PLCG2: variants seen among roughly 807,000 people sequenced by gnomAD.
PLCG2 encodes phospholipase C gamma 2, also known as 1-phosphatidylinositol 4,5-bisphosphate phosphodiesterase gamma-2.
PLCG2 carries 69 observed loss-of-function variants against 175.6 expected under a neutral mutation model. That is an observed-to-expected ratio of 0.39 (90% CI 0.32 to 0.48). The LOEUF (loss-of-function observed/expected upper bound fraction) is 0.48. Ranked by LOEUF, PLCG2 falls within the 20% of genes least tolerant of loss-of-function variation. PLCG2 has a pLI of 0.91. For synonymous variants in PLCG2, 827 were observed against 624.0 expected (o/e 1.33, Z -4.85); for missense variants, 1,798 against 1,650.9 (o/e 1.09, Z -1.54).
At chr16:81,868,690 C>T (rs542952782) in intron 5 of PLCG2, among the ~76,000 whole-genome samples, 1 of 152,242 alleles carries the variant, frequency 6.6e-6, no homozygotes, top group African/African-American at 2.4e-5. Context: ...CACATCATGT[C>T]AACACCTATA....
chr16:81,829,269 C>T (rs544693836), intron 2 of PLCG2, among the ~76,000 whole-genome samples: 2 of 152,158 alleles, frequency 1.3e-5, no homozygotes, highest in African/African-American at 2.4e-5. Flanking sequence ...CCAACGTGCC[C>T]GGCTAATTTT....
chr16:81,957,515 C>T (rs185424637), intron 32 of PLCG2, among the ~76,000 whole-genome samples: 1 of 152,210 alleles, frequency 6.6e-6, no homozygotes, highest in Admixed American at 6.5e-5. Context: ...TGGGCTAGTC[C>T]AGCGGCTCTA....
chr16:81,801,348 T>C (rs1477731202), intron 2 of PLCG2, among the ~76,000 whole-genome samples: 1 of 152,230 alleles, frequency 6.6e-6, no homozygotes, highest in Non-Finnish European at 1.5e-5. Flanking sequence ...TCATCCATGA[T>C]TAACATATAA....
intron 2 of PLCG2, among the ~76,000 whole-genome samples, chr16:81,762,304 C>G (rs1367923280): frequency 4.6e-5 from 7 of 152,168 alleles, no homozygotes; most frequent in Admixed American, 1.3e-4. Flanking sequence ...CATGGTGGCT[C>G]ACGCCTGTAA....
chr16:81,848,682 C>T (rs915349998), intron 2 of PLCG2, among the ~76,000 whole-genome samples: 3 of 152,164 alleles, frequency 2.0e-5, no homozygotes, highest in African/African-American at 7.2e-5. Flanking sequence ...CTCTCTGTCC[C>T]TTTCCTCTTT....
intron 2 of PLCG2, among the ~76,000 whole-genome samples, chr16:81,828,211 T>C (rs1009525109): frequency 1.5e-4 from 23 of 151,044 alleles, no homozygotes; most frequent in Admixed American, 9.9e-4. Context: ...TTGTGAAGTC[T>C]GTTCCAGACT....
At chr16:81,813,649 C>T (rs1053483256) in intron 2 of PLCG2, among the ~76,000 whole-genome samples, 3 of 152,208 alleles carry the variant, frequency 2.0e-5, no homozygotes, top group Non-Finnish European at 4.4e-5. Context: ...AGTGGATTTG[C>T]TGTTCTGTCT....
intron 7 of PLCG2, among the ~76,000 whole-genome samples, chr16:81,873,873 C>T (rs1276007885): frequency 6.6e-6 from 1 of 152,204 alleles, no homozygotes; most frequent in African/African-American, 2.4e-5. Context: ...TAACATTCCA[C>T]ATGAGAGGTA....
chr16:81,891,663 G>T (rs768073907), intron 11 of PLCG2, 73 bp downstream of exon 11: 2 of 845,252 alleles, frequency 2.4e-6, no homozygotes, highest in Non-Finnish European at 4.1e-6. Context: ...GGTCCGATAC[G>T]CCGCTCCGGT....
At chr16:81,748,092 C>G (rs543020993) in intron 1 of PLCG2, among the ~76,000 whole-genome samples, 2 of 152,296 alleles carry the variant, frequency 1.3e-5, no homozygotes, top group South Asian at 4.1e-4. Flanking sequence ...CCAGGCTGGT[C>G]TTGAACTCCT....
rs12445580 is a variant in PLCG2 at position 81,869,192 on chromosome 16, A to G, written c.480-22A>G. On this transcript the variant is annotated intron_variant, in intron 5 of 32. Coordinates refer to ENST00000564138, the MANE Select transcript of PLCG2 (RefSeq NM_002661.5). ...TGTTGAAAACCCTCAAGGTGACAGAACTGGGTCTCCCTCTTTTGCAGCATC... is the reference window on the plus strand; with the variant it reads ...TGTTGAAAACCCTCAAGGTGACAGAGCTGGGTCTCCCTCTTTTGCAGCATC... 956,653 of 1,597,734 alleles carry G rather than the reference A, an allele frequency of 0.6. 289,075 individuals carry two copies. Among genetic ancestry groups the G allele is most frequent in the South Asian group, 0.62 (56,208 of 90,746 alleles).
At chr16:81,756,070 T>C (rs4264386) in intron 2 of PLCG2, 153,703 of 154,278 alleles carry the variant, frequency 1, 76,569 homozygotes, top group Middle Eastern at 1. Flanking sequence ...AAGGCACCAG[T>C]GTGTCTGGGA....
chr16:81,746,686 G>C (rs1337492601), intron 1 of PLCG2, among the ~76,000 whole-genome samples: 1 of 152,218 alleles, frequency 6.6e-6, no homozygotes, highest in African/African-American at 2.4e-5. Flanking sequence ...CGTCGAACTT[G>C]AGTAAACAGG....
At chr16:81,843,704 C>G (rs961600961) in intron 2 of PLCG2, among the ~76,000 whole-genome samples, 1 of 152,154 alleles carries the variant, frequency 6.6e-6, no homozygotes, top group Non-Finnish European at 1.5e-5. Context: ...CTCCAACTAC[C>G]TTGTACTGTA....
At chr16:81,934,670 G>C (rs1910635403) in intron 26 of PLCG2, 139 bp downstream of exon 26, 1 of 647,560 alleles carries the variant, frequency 1.5e-6, no homozygotes, top group African/African-American at 1.8e-5. Flanking sequence ...CCTTGGGTTT[G>C]TCCTCCGAGT....
At chr16:81,781,451 G>A (rs1293290781) in intron 1 of PLCG2, among the ~76,000 whole-genome samples, 1 of 150,242 alleles carries the variant, frequency 6.7e-6, no homozygotes, top group Non-Finnish European at 1.5e-5. Flanking sequence ...TGCAACTATT[G>A]CTTCCGTGAT....
At chr16:81,827,919 C>T (rs111580740) in intron 2 of PLCG2, among the ~76,000 whole-genome samples, 11,525 of 151,708 alleles carry the variant, frequency 0.076, 910 homozygotes, top group African/African-American at 0.2. Context: ...GGAGAAACCC[C>T]GTCTCTACTA....
At chr16:81,802,642 G>A (rs1033114665) in intron 2 of PLCG2, among the ~76,000 whole-genome samples, 5 of 151,770 alleles carry the variant, frequency 3.3e-5, no homozygotes, top group Admixed American at 2.0e-4. Context: ...CGCAATCTCA[G>A]CTCACTACAA....
At chr16:81,813,452 TC>T (rs1164281201) in intron 2 of PLCG2, among the ~76,000 whole-genome samples, 16 of 152,250 alleles carry the variant, frequency 1.1e-4, no homozygotes, top group African/African-American at 3.6e-4. Flanking sequence ...GGGAGTTCAC[TC>T]ATGATTTAGC....
Sources: allele counts gnomAD v4.1 joint callset (sites outside exome capture counted in the v4.1 genomes callset), GRCh38; gene constraint gnomAD v4.1.1; transcripts MANE v1.5; gene names NCBI Gene and HGNC (gene_info 2026-07-23, HGNC 2026-07-21).